Variants in IGF1R observed in about 807,000 individuals in gnomAD.
The protein encoded by IGF1R is insulin like growth factor 1 receptor.
IGF1R carries 44 observed loss-of-function variants against 144.6 expected under a neutral mutation model. The ratio of observed to expected loss-of-function variants is 0.30; its 90% confidence interval spans 0.24 to 0.39. IGF1R has a LOEUF of 0.39. Among genes scored for constraint, IGF1R ranks in the 10% least tolerant of loss-of-function variants. IGF1R has a pLI of 1.00. For synonymous variants in IGF1R, 795 were observed against 722.8 expected, an observed-to-expected ratio of 1.10 and a Z score of -1.60; for missense variants, 1,355 against 1,833.7, an observed-to-expected ratio of 0.74 and a Z score of 4.77.
At chr15:98,816,155 T>C (rs1402235327) in intron 2 of IGF1R, among the ~76,000 whole-genome samples, 1 of 152,202 alleles carries the variant, frequency 6.6e-6, no homozygotes, top group Non-Finnish European at 1.5e-5. Flanking sequence ...TTCTGGAGTC[T>C]TCACAGTGGC....
Position 98,919,906 on chromosome 15 carries a change from T to A in IGF1R, c.2202-2242T>A, listed in dbSNP as rs117691737. Among the ~76,000 whole-genome samples the A allele has an allele frequency of 4.3e-4, 65 of 152,354 alleles. 3 individuals carry two copies. In the South Asian group the frequency reaches 0.012, roughly 27 times the overall value. On this transcript the variant is annotated intron_variant, in intron 10 of 20. Transcript: ENST00000650285. ...TTCTTTCAGTTCATTCTGAGAACAA[T>A]GTATTTGTGGGATAAAACCAGTTAA... is the stretch of plus-strand genomic sequence containing the variant.
At chr15:98,649,734 C>A in intron 1 of IGF1R, 59 bp downstream of exon 1, 1 of 1,341,830 alleles carries the variant, frequency 7.5e-7, no homozygotes, top group Non-Finnish European at 1.1e-6. Context: ...AGGGGCTGCG[C>A]CCTGTTTGCG....
intron 2 of IGF1R, among the ~76,000 whole-genome samples, chr15:98,810,783 C>G (rs1016484197): frequency 6.6e-6 from 1 of 151,586 alleles, no homozygotes; most frequent in Admixed American, 6.6e-5. Context: ...CTCCTGACCT[C>G]GTGATCCGCC....
chr15:98,925,992 A>T (rs905433511), intron 13 of IGF1R, among the ~76,000 whole-genome samples: 1 of 151,762 alleles, frequency 6.6e-6, no homozygotes, highest in Non-Finnish European at 1.5e-5. Flanking sequence ...TGAAATAGGT[A>T]TGTCAAACAG....
chr15:98,727,453 G>A (rs1006731122), intron 2 of IGF1R, among the ~76,000 whole-genome samples: 1 of 152,054 alleles, frequency 6.6e-6, no homozygotes, highest in Non-Finnish European at 1.5e-5. Context: ...GCCTCCTTTG[G>A]GCAAACAACC....
chr15:98,819,766 G>A (rs2056767928), intron 2 of IGF1R, among the ~76,000 whole-genome samples: 1 of 152,152 alleles, frequency 6.6e-6, no homozygotes. Context: ...AACTTAATAT[G>A]CGTTAACGTA....
At chr15:98,941,484 G>C (rs574333849) in intron 18 of IGF1R, among the ~76,000 whole-genome samples, 2 of 152,304 alleles carry the variant, frequency 1.3e-5, no homozygotes, top group Admixed American at 6.5e-5. Context: ...GGAATTTCAA[G>C]TTTTTCATTT....
rs529446064 is a variant in IGF1R at position 98,899,871 on chromosome 15, G to T, written c.1247+250G>T. ...TTTTGCCTCATCAGTCAAGGGTTGC[G>T]TGTCTGACTGTGACCAGTGAGACGG... On this transcript the variant is annotated intron_variant, in intron 5 of 20. Transcript: ENST00000650285. Among the ~76,000 whole-genome samples the T allele has an allele frequency of 1.5e-4, 23 of 152,268 alleles. No homozygotes were observed. The South Asian group carries it at 2.9e-3, about 19-fold the overall frequency.
At chr15:98,745,330 C>T (rs57516305) in intron 2 of IGF1R, among the ~76,000 whole-genome samples, 44,941 of 152,084 alleles carry the variant, frequency 0.3, 6,811 homozygotes, top group South Asian at 0.38. Flanking sequence ...TGTCACTAGC[C>T]GCACTAAGCA....
At chr15:98,880,489 T>A (rs2013315939) in intron 2 of IGF1R, among the ~76,000 whole-genome samples, 1 of 152,238 alleles carries the variant, frequency 6.6e-6, no homozygotes, top group Non-Finnish European at 1.5e-5. Context: ...ATTAATTAAG[T>A]GTTCACAGAT....
At chr15:98,666,570 C>T (rs867887866) in intron 1 of IGF1R, among the ~76,000 whole-genome samples, 19 of 152,188 alleles carry the variant, frequency 1.2e-4, no homozygotes, top group Admixed American at 1.3e-4. Context: ...GAAGGAAATT[C>T]TATGATGTGC....
At chr15:98,931,571 G>GT (rs1192218557) in intron 15 of IGF1R, among the ~76,000 whole-genome samples, 1 of 151,944 alleles carries the variant, frequency 6.6e-6, no homozygotes, top group Non-Finnish European at 1.5e-5. Context: ...CACAAAGTTG[G>GT]TTTTTTAATA....
rs569607304 is a variant in IGF1R, at chr15:98,683,804, G to A, written c.95-23758G>A. Among the ~76,000 whole-genome samples the A allele has an allele frequency of 5.4e-4, 82 of 152,220 alleles. No individual in the cohort carries two copies. The South Asian group carries it at 0.017, about 31-fold the overall frequency. On this transcript the variant is annotated intron_variant, in intron 1 of 20. Coordinates refer to ENST00000650285, the MANE Select transcript of IGF1R (RefSeq NM_000875.5). ...AAGCCAAGAAAGGGCACAAAGGCGTGGATATTTGGAAATCGGGACATAATT... is the reference window on the plus strand; with the variant it reads ...AAGCCAAGAAAGGGCACAAAGGCGTAGATATTTGGAAATCGGGACATAATT...
chr15:98,887,058 G>A (rs1024730278), intron 2 of IGF1R, among the ~76,000 whole-genome samples: 1 of 152,162 alleles, frequency 6.6e-6, no homozygotes, highest in Admixed American at 6.5e-5. Flanking sequence ...CATTTAACAC[G>A]AAGGAACCCC....
intron 4 of IGF1R, chr15:98,897,227 G>T: frequency 2.9e-6 from 1 of 346,090 alleles, no homozygotes; most frequent in South Asian, 3.2e-5. Flanking sequence ...TGGATCAGAC[G>T]TGTGACTCAG....
chr15:98,816,490 A>G (rs775485116), intron 2 of IGF1R, among the ~76,000 whole-genome samples: 8 of 152,136 alleles, frequency 5.3e-5, no homozygotes, highest in Non-Finnish European at 1.0e-4. Flanking sequence ...GGCCCACCCC[A>G]TTCTCTTGTG....
intron 2 of IGF1R, among the ~76,000 whole-genome samples, chr15:98,830,585 T>A (rs1181098532): frequency 6.6e-6 from 1 of 151,676 alleles, no homozygotes; most frequent in African/African-American, 2.4e-5. Context: ...TCAAGCATGG[T>A]TCCAACATCT....
intron 3 of IGF1R, 74 bp from the exon 4 acceptor site, chr15:98,896,683 C>T: frequency 6.9e-7 from 1 of 1,439,796 alleles, no homozygotes; most frequent in Non-Finnish European, 9.7e-7. Context: ...AAAAGCATAT[C>T]CTTATGGTTT....
chr15:98,816,382 TC>T (rs2056696607), intron 2 of IGF1R, among the ~76,000 whole-genome samples: 2 of 152,158 alleles, frequency 1.3e-5, no homozygotes, highest in Non-Finnish European at 2.9e-5. Flanking sequence ...TGTGTCCAGA[TC>T]CCCCTTTTCA....
Sources: allele counts gnomAD v4.1 joint callset (sites outside exome capture counted in the v4.1 genomes callset), GRCh38; gene constraint gnomAD v4.1.1; transcripts MANE v1.5; gene names NCBI Gene and HGNC (gene_info 2026-07-23, HGNC 2026-07-21).